Variants in PPP2R2C observed in about 807,000 individuals in gnomAD.
The protein encoded by PPP2R2C is protein phosphatase 2 regulatory subunit Bgamma, also known as protein phosphatase 2, regulatory subunit B, gamma.
PPP2R2C carries 10 observed loss-of-function variants against 45.3 expected under a neutral mutation model. That is an observed-to-expected ratio of 0.22 (90% confidence interval 0.14 to 0.37). The LOEUF (loss-of-function observed/expected upper bound fraction) is 0.37, where lower values mean the gene tolerates loss of function less well. Ranked by LOEUF, PPP2R2C falls within the 10% of genes least tolerant of loss-of-function variation. The pLI, the probability that PPP2R2C is intolerant of heterozygous loss-of-function variation, is 1.00. For missense variants in PPP2R2C, 308 were observed against 619.7 expected (o/e 0.50, Z 5.34); for synonymous variants, 257 against 245.4 (o/e 1.05, Z -0.44).
chr4:6,505,159 T>G, intron 2 of PPP2R2C, among the ~76,000 whole-genome samples: 1 of 137,934 alleles, frequency 7.2e-6, no homozygotes, highest in East Asian at 2.9e-4. Context: ...TTTAAAGTGC[T>G]TGGAAAAAAA....
chr4:6,398,928 G>GAC lies in PPP2R2C; in HGVS notation c.71-17836_71-17835dup, dbSNP rs1309100597. ...CTCAAAGAAAAAGGAACAAATCATT[G>GAC]ACACACACAGCAACCAGGGGGAAGT... On this transcript the variant is annotated intron_variant, in intron 1 of 8. Coordinates refer to ENST00000382599, the MANE Select transcript of PPP2R2C (RefSeq NM_020416.4). Among the ~76,000 whole-genome samples, 8 of 152,290 alleles carry GAC rather than the reference G, an allele frequency of 5.3e-5. No homozygotes were observed. The East Asian group carries it at 1.2e-3, about 22-fold the overall frequency.
At chr4:6,474,342 TC>T (rs1722060789), upstream of PPP2R2C, among the ~76,000 whole-genome samples, 1 of 151,968 alleles carries the variant, frequency 6.6e-6, no homozygotes, top group Non-Finnish European at 1.5e-5. Context: ...CACAACCTCA[TC>T]TGTAAAGTGG....
intron 1 of PPP2R2C, among the ~76,000 whole-genome samples, chr4:6,410,646 G>A (rs1030261363): frequency 5.9e-5 from 9 of 152,032 alleles, no homozygotes; most frequent in East Asian, 3.9e-4. Flanking sequence ...GTGGCTGGAC[G>A]TGAAGCAACT....
intron 1 of PPP2R2C, among the ~76,000 whole-genome samples, chr4:6,393,714 G>A (rs1175894132): frequency 1.3e-5 from 2 of 152,244 alleles, no homozygotes; most frequent in East Asian, 3.9e-4. Context: ...CCCTGGCCAA[G>A]CCAGGTGGGG....
intron 1 of PPP2R2C, among the ~76,000 whole-genome samples, chr4:6,388,455 T>C (rs1405403014): frequency 6.6e-6 from 1 of 152,210 alleles, no homozygotes; most frequent in Non-Finnish European, 1.5e-5. Context: ...TCTTTGCAGA[T>C]GATCAAGTTA....
At chr4:6,492,290 A>C (rs1577219317) in intron 2 of PPP2R2C, among the ~76,000 whole-genome samples, 1 of 151,972 alleles carries the variant, frequency 6.6e-6, no homozygotes, top group Admixed American at 6.6e-5. Context: ...CAATCCAAAA[A>C]CCCAGGATGG....
At chr4:6,390,621 G>C (rs1179876724) in intron 1 of PPP2R2C, among the ~76,000 whole-genome samples, 1 of 152,244 alleles carries the variant, frequency 6.6e-6, no homozygotes, top group African/African-American at 2.4e-5. Context: ...TCAGCACTGA[G>C]TGAGTGACGG....
intron 3 of PPP2R2C, 88 bp from the exon 4 acceptor site, chr4:6,376,019 G>T: frequency 8.9e-7 from 1 of 1,119,916 alleles, no homozygotes; most frequent in Non-Finnish European, 1.3e-6. Flanking sequence ...AAATCATGAG[G>T]CACCTCCTGG....
At chr4:6,511,511 TGG>T (rs1723483626) in intron 2 of PPP2R2C, among the ~76,000 whole-genome samples, 1 of 35,226 alleles carries the variant, frequency 2.8e-5, no homozygotes, top group Non-Finnish European at 7.2e-5. Context: ...GTGATGGTGG[TGG>T]TGGTGGTGGT....
chr4:6,553,827 C>T (rs765135707), intron 1 of PPP2R2C, among the ~76,000 whole-genome samples: 6 of 152,080 alleles, frequency 3.9e-5, no homozygotes, highest in Non-Finnish European at 7.4e-5. Context: ...AAGAAGTGAC[C>T]TCATTTATCC....
chr4:6,439,392 T>C (rs1335550788), intron 1 of PPP2R2C, among the ~76,000 whole-genome samples: 1 of 152,236 alleles, frequency 6.6e-6, no homozygotes, highest in Admixed American at 6.5e-5. Context: ...CAGTTTCTAA[T>C]GCTCTAAATG....
In PPP2R2C at chr4:6,516,560, C is replaced by T. The variant is rs115951752; in HGVS notation, c.49+18711G>A. Among the ~76,000 whole-genome samples, 284 of 152,298 alleles carry T rather than the reference C, an allele frequency of 1.9e-3. 1 individual carries two copies. Among genetic ancestry groups the T allele is most frequent in the African/African-American group, 6.4e-3 (266 of 41,576 alleles). ...CTGCCCCAGGTGTGGGCAGTACTGCCGGGCCCATGACTCCTCCTCCCAGGC... is the reference window on the plus strand; with the variant it reads ...CTGCCCCAGGTGTGGGCAGTACTGCTGGGCCCATGACTCCTCCTCCCAGGC... On this transcript the variant is annotated intron_variant, in intron 2 of 9. Transcript: ENST00000506140.
chr4:6,443,460 C>G lies in PPP2R2C; in HGVS notation c.70+28700G>C, dbSNP rs372871188. Reference sequence around the variant, plus strand: ...AGAGGGACCTGGGTGTCCTCAGGCACTGGGCAGAGAAGCCAGACCACCCCG... The same window carrying G: ...AGAGGGACCTGGGTGTCCTCAGGCAGTGGGCAGAGAAGCCAGACCACCCCG... On this transcript the variant is annotated intron_variant, in intron 1 of 8. Coordinates refer to ENST00000382599, the MANE Select transcript of PPP2R2C (RefSeq NM_020416.4). Among the ~76,000 whole-genome samples, 63 of 152,346 alleles carry G rather than the reference C, an allele frequency of 4.1e-4. No individual in the cohort carries two copies. The East Asian group carries it at 0.011, about 26-fold the overall frequency.
chr4:6,484,739 A>C (rs1004195289), intron 2 of PPP2R2C, among the ~76,000 whole-genome samples: 12 of 151,924 alleles, frequency 7.9e-5, no homozygotes, highest in African/African-American at 2.9e-4. Context: ...TCATATCATA[A>C]CTGGTAGTTT....
intron 1 of PPP2R2C, among the ~76,000 whole-genome samples, chr4:6,394,394 G>A (rs1475672628): frequency 6.6e-6 from 1 of 152,218 alleles, no homozygotes; most frequent in East Asian, 1.9e-4. Context: ...TATAATTATT[G>A]CTACTATGTA....
intron 1 of PPP2R2C, among the ~76,000 whole-genome samples, chr4:6,465,787 C>T (rs1014956343): frequency 5.3e-5 from 8 of 152,246 alleles, no homozygotes; most frequent in African/African-American, 1.9e-4. Context: ...AGTTATATTT[C>T]GCATATGGAT....
At chr4:6,535,546 G>C (rs1056398804) in intron 1 of PPP2R2C, among the ~76,000 whole-genome samples, 1 of 152,158 alleles carries the variant, frequency 6.6e-6, no homozygotes, top group African/African-American at 2.4e-5. Flanking sequence ...CCCTCCTCCC[G>C]GCTGCAGGAG....
Position 6,472,401 on chromosome 4 carries a change from C to G in PPP2R2C, c.-172G>C. ...GGGGACGGGCGGGGGCGGCCGGGGG[C>G]GGGCGCCGCGGTCAAGCGAGCGCGC... On this transcript the variant is annotated 5_prime_UTR_variant, in exon 1 of 9. Coordinates refer to ENST00000382599, the MANE Select transcript of PPP2R2C (RefSeq NM_020416.4). The G allele has an allele frequency of 6.6e-6, 4 of 606,904 alleles. No individual in the cohort carries two copies. The highest frequency in any genetic ancestry group is 8.2e-6 in the Non-Finnish European group (4 of 488,352). 37.6% of individuals were successfully genotyped at this position (606,904 alleles called of 1,614,324 possible). A position where few individuals can be genotyped will look rare whatever the true frequency, so the allele number is the denominator to read the frequency against.
intron 6 of PPP2R2C, among the ~76,000 whole-genome samples, chr4:6,340,832 G>C (rs989915203): frequency 2.0e-5 from 3 of 152,234 alleles, no homozygotes; most frequent in Non-Finnish European, 2.9e-5. Flanking sequence ...TGGCCTGTGA[G>C]GCCTCCTCCA....
Sources: gnomAD v4.1 joint callset for allele counts (sites outside exome capture counted in the v4.1 genomes callset) on GRCh38, gnomAD v4.1.1 for gene constraint, MANE v1.5 for transcripts, NCBI Gene and HGNC (gene_info 2026-07-23, HGNC 2026-07-21) for gene names.